The following CNTN5 variants were observed in gnomAD, a reference collection of about 807,000 sequenced individuals.
CNTN5 encodes the protein contactin 5.
In CNTN5, 77 loss-of-function variants were observed where a neutral mutation model predicts 129.1. That is an observed-to-expected ratio of 0.60 (90% confidence interval 0.50 to 0.72). The LOEUF is 0.72. Among genes scored for constraint, CNTN5 ranks in the 30% least tolerant of loss-of-function variants. CNTN5 has a pLI of 0.00. For missense variants in CNTN5, 1,478 were observed against 1,328.8 expected (o/e 1.11, Z -1.75); for synonymous variants, 509 against 465.6 (o/e 1.09, Z -1.20).
intron 9 of CNTN5, among the ~76,000 whole-genome samples, chr11:100,008,292 T>A (rs1024896757): frequency 6.6e-6 from 1 of 152,058 alleles, no homozygotes; most frequent in Non-Finnish European, 1.5e-5. Context: ...CCACAGACCT[T>A]CAATTTGTGA....
intron 17 of CNTN5, among the ~76,000 whole-genome samples, chr11:100,266,956 C>A (rs569056697): frequency 6.6e-6 from 1 of 152,084 alleles, no homozygotes; most frequent in South Asian, 2.1e-4. Context: ...TAAATAAATC[C>A]TTGCCCTTGT....
chr11:100,134,313 C>T (rs1946461607), intron 13 of CNTN5, among the ~76,000 whole-genome samples: 3 of 152,060 alleles, frequency 2.0e-5, no homozygotes, highest in Non-Finnish European at 4.4e-5. Context: ...TTATTTTCTT[C>T]TATGTTCCCC....
At chr11:100,153,168 C>A (rs1198728986) in intron 13 of CNTN5, among the ~76,000 whole-genome samples, 1 of 152,054 alleles carries the variant, frequency 6.6e-6, no homozygotes, top group African/African-American at 2.4e-5. Context: ...CTCTAATCAG[C>A]AAAATCGTTT....
intron 3 of CNTN5, among the ~76,000 whole-genome samples, chr11:99,676,480 C>T (rs1953289131): frequency 6.6e-6 from 1 of 152,120 alleles, no homozygotes; most frequent in African/African-American, 2.4e-5. Context: ...CTCATAGGCC[C>T]CTCACCAGGC....
At chr11:99,295,597 C>T (rs945895096) in intron 1 of CNTN5, among the ~76,000 whole-genome samples, 1 of 152,174 alleles carries the variant, frequency 6.6e-6, no homozygotes, top group East Asian at 1.9e-4. Context: ...GACTGATTGG[C>T]CGGGCGCGGT....
At chr11:100,352,876 C>A (rs1185529767) in intron 24 of CNTN5, among the ~76,000 whole-genome samples, 2 of 151,710 alleles carry the variant, frequency 1.3e-5, no homozygotes, top group African/African-American at 4.8e-5. Flanking sequence ...CAACCTTCCT[C>A]TTGCTTCAGC....
At chr11:99,383,134 C>A (rs1394099406) in intron 2 of CNTN5, among the ~76,000 whole-genome samples, 1 of 152,002 alleles carries the variant, frequency 6.6e-6, no homozygotes, top group Non-Finnish European at 1.5e-5. Context: ...GGATAACAGG[C>A]AGGAGCCACC....
At chr11:99,296,255 TC>T (rs1222018323) in intron 1 of CNTN5, among the ~76,000 whole-genome samples, 1 of 152,092 alleles carries the variant, frequency 6.6e-6, no homozygotes, top group African/African-American at 2.4e-5. Flanking sequence ...GGTGTACAGT[TC>T]CAGGAGTATG....
chr11:99,916,150 G>T lies in CNTN5; in HGVS notation c.673+1G>T, dbSNP rs768767562. ...TGCTCTCCTCCGCCACATTCACCAG[G>T]TACAGTAGGATCTCATTCTTTGCTG... On this transcript the variant is annotated splice_donor_variant, in intron 7 of 24. Coordinates refer to ENST00000524871, the MANE Select transcript of CNTN5 (RefSeq NM_014361.4). LOFTEE classifies it high-confidence loss of function. The T allele has an allele frequency of 6.2e-7, 1 of 1,608,940 alleles. No homozygotes were observed. The highest frequency in any genetic ancestry group is 8.5e-7 in the Non-Finnish European group (1 of 1,176,844).
At chr11:99,687,175 T>C (rs1209344569) in intron 3 of CNTN5, among the ~76,000 whole-genome samples, 1 of 152,052 alleles carries the variant, frequency 6.6e-6, no homozygotes, top group African/African-American at 2.4e-5. Context: ...TGTACACTGT[T>C]ATTTAGTTGG....
chr11:99,781,225 A>G (rs1237704363), intron 3 of CNTN5, among the ~76,000 whole-genome samples: 3 of 152,170 alleles, frequency 2.0e-5, no homozygotes, highest in South Asian at 4.1e-4. Context: ...GTGTCCTTTC[A>G]TTGTTGCAGT....
chr11:99,453,279 G>A (rs1443709201), intron 2 of CNTN5, among the ~76,000 whole-genome samples: 4 of 152,202 alleles, frequency 2.6e-5, no homozygotes, highest in Non-Finnish European at 2.9e-5. Context: ...TTTACTAATC[G>A]TATAACAATT....
At chr11:99,276,194 T>C (rs1368035017) in intron 1 of CNTN5, among the ~76,000 whole-genome samples, 1 of 151,720 alleles carries the variant, frequency 6.6e-6, no homozygotes, top group East Asian at 1.9e-4. Context: ...AGATGGATCT[T>C]GCTTCAAAGT....
chr11:99,774,666 G>C (rs959102075), intron 3 of CNTN5, among the ~76,000 whole-genome samples: 19 of 151,814 alleles, frequency 1.3e-4, no homozygotes, highest in Non-Finnish European at 2.5e-4. Flanking sequence ...TTTTTATCCC[G>C]TTGTTGCCTC....
intron 3 of CNTN5, among the ~76,000 whole-genome samples, chr11:99,776,215 A>G (rs943018745): frequency 6.6e-6 from 1 of 151,926 alleles, no homozygotes; most frequent in Non-Finnish European, 1.5e-5. Flanking sequence ...GCATGTGACT[A>G]ACTATATTAT....
chr11:99,928,641 G>A (rs950087504), intron 7 of CNTN5, among the ~76,000 whole-genome samples: 1 of 152,142 alleles, frequency 6.6e-6, no homozygotes. Context: ...TCTTGAGTCT[G>A]CACAAAGCAG....
At chr11:99,825,972 T>C (rs1283124547) in intron 4 of CNTN5, among the ~76,000 whole-genome samples, 1 of 152,184 alleles carries the variant, frequency 6.6e-6, no homozygotes, top group Non-Finnish European at 1.5e-5. Context: ...CCAGCTCTTT[T>C]TCTGATTCGT....
intron 2 of CNTN5, among the ~76,000 whole-genome samples, chr11:99,472,787 C>G (rs550660337): frequency 6.6e-6 from 1 of 152,002 alleles, no homozygotes; most frequent in African/African-American, 2.4e-5. Context: ...TTATTCCTCA[C>G]CCTCCCCAGG....
chr11:99,825,476 A>G (rs919850345), intron 4 of CNTN5, among the ~76,000 whole-genome samples: 1 of 152,052 alleles, frequency 6.6e-6, no homozygotes, highest in Non-Finnish European at 1.5e-5. Context: ...TTAAAAATCA[A>G]TACTTAATTA....
Sources: allele counts gnomAD v4.1 joint callset (sites outside exome capture counted in the v4.1 genomes callset), GRCh38; gene constraint gnomAD v4.1.1; transcripts MANE v1.5; gene names NCBI Gene and HGNC (gene_info 2026-07-23, HGNC 2026-07-21).